The following CADPS2 variants were observed in gnomAD, a reference collection of about 807,000 sequenced individuals.
CADPS2 encodes calcium-dependent secretion activator 2.
A neutral mutation model predicts 172.5 loss-of-function variants in CADPS2; 93 were observed. The ratio of observed to expected loss-of-function variants is 0.54; its 90% CI spans 0.46 to 0.64. The LOEUF (loss-of-function observed/expected upper bound fraction) is 0.64, where lower values mean the gene tolerates loss of function less well. Ranked by LOEUF, CADPS2 falls within the 30% of genes least tolerant of loss-of-function variation. The pLI is 0.00. For synonymous variants in CADPS2, 546 were observed against 555.2 expected (o/e 0.98, Z 0.23); for missense variants, 1,420 against 1,565.9 (o/e 0.91, Z 1.57).
At chr7:122,465,340 T>TA (rs1244531247) in intron 14 of CADPS2, among the ~76,000 whole-genome samples, 2 of 152,116 alleles carry the variant, frequency 1.3e-5, no homozygotes, top group Non-Finnish European at 2.9e-5. Flanking sequence ...CTACAACAGT[T>TA]AAAAATCTTT....
intron 25 of CADPS2, 147 bp from the exon 26 acceptor site, chr7:122,361,160 T>A: frequency 1.6e-6 from 1 of 640,262 alleles, no homozygotes; most frequent in Non-Finnish European, 2.8e-6. Flanking sequence ...CTTGTGATGT[T>A]TACTCTTTCA....
chr7:122,347,286 AT>A (rs202040015), intron 27 of CADPS2, among the ~76,000 whole-genome samples: 13 of 151,098 alleles, frequency 8.6e-5, no homozygotes, highest in Non-Finnish European at 1.3e-4. Flanking sequence ...AGTTCTTGCC[AT>A]TTTTTTTTGG....
chr7:122,336,435 A>C (rs1271286207), intron 28 of CADPS2, among the ~76,000 whole-genome samples: 1 of 152,224 alleles, frequency 6.6e-6, no homozygotes, highest in Non-Finnish European at 1.5e-5. Context: ...GTCTCAGGGG[A>C]AGCCTGGACA....
chr7:122,854,916 A>G (rs73718032), intron 1 of CADPS2, among the ~76,000 whole-genome samples: 2,471 of 152,320 alleles, frequency 0.016, 65 homozygotes, highest in African/African-American at 0.056. Context: ...GGACATCACT[A>G]TATTTGTGTA....
At chr7:122,766,064 C>T (rs1442741535) in intron 1 of CADPS2, among the ~76,000 whole-genome samples, 2 of 152,034 alleles carry the variant, frequency 1.3e-5, no homozygotes, top group African/African-American at 4.8e-5. Context: ...GGGTCTCATG[C>T]TGCTTCAACT....
At chr7:122,659,246 A>G (rs969954914) in intron 3 of CADPS2, among the ~76,000 whole-genome samples, 1 of 151,724 alleles carries the variant, frequency 6.6e-6, no homozygotes, top group Non-Finnish European at 1.5e-5. Flanking sequence ...AAAACATGCA[A>G]AAACAATGCA....
intron 1 of CADPS2, among the ~76,000 whole-genome samples, chr7:122,818,949 T>G (rs976088264): frequency 2.6e-5 from 4 of 152,168 alleles, no homozygotes; most frequent in Non-Finnish European, 5.9e-5. Context: ...AAAATACATT[T>G]TATTACCCAA....
At chr7:122,596,561 T>G (rs1218161074) in intron 6 of CADPS2, among the ~76,000 whole-genome samples, 1 of 152,048 alleles carries the variant, frequency 6.6e-6, no homozygotes, top group African/African-American at 2.4e-5. Context: ...ACTATAGCAG[T>G]GAGAAAAGCT....
intron 1 of CADPS2, among the ~76,000 whole-genome samples, chr7:122,854,483 T>C (rs1368808997): frequency 1.3e-5 from 2 of 152,122 alleles, no homozygotes; most frequent in African/African-American, 2.4e-5. Flanking sequence ...AGAGAGAAAC[T>C]TGAGCCACTG....
At chr7:122,644,238 C>A (rs539637608) in intron 3 of CADPS2, among the ~76,000 whole-genome samples, 6 of 152,286 alleles carry the variant, frequency 3.9e-5, no homozygotes, top group African/African-American at 1.4e-4. Flanking sequence ...ATCTACCTTT[C>A]TAGCCTCTTG....
At chr7:122,350,229 T>C (rs17144296) in intron 27 of CADPS2, among the ~76,000 whole-genome samples, 2,573 of 152,292 alleles carry the variant, frequency 0.017, 68 homozygotes, top group African/African-American at 0.058. Context: ...ATAAATAACA[T>C]GTCTTCGAAA....
intron 14 of CADPS2, among the ~76,000 whole-genome samples, chr7:122,467,809 A>G (rs2055359147): frequency 6.6e-6 from 1 of 152,176 alleles, no homozygotes; most frequent in South Asian, 2.1e-4. Flanking sequence ...CCTATGAAGC[A>G]TTGTCTCTGA....
chr7:122,510,580 C>T (rs897267902), intron 9 of CADPS2, among the ~76,000 whole-genome samples: 71 of 152,268 alleles, frequency 4.7e-4, no homozygotes, highest in African/African-American at 1.6e-3. Flanking sequence ...CCAGTGATAT[C>T]ACTCATAATA....
intron 1 of CADPS2, among the ~76,000 whole-genome samples, chr7:122,794,532 C>T (rs1342216746): frequency 6.6e-6 from 1 of 152,008 alleles, no homozygotes; most frequent in Non-Finnish European, 1.5e-5. Flanking sequence ...GAGAGCTTGA[C>T]ATCCCACTGA....
chr7:122,752,334 A>G (rs1386134996), intron 1 of CADPS2, among the ~76,000 whole-genome samples: 3 of 152,198 alleles, frequency 2.0e-5, no homozygotes, highest in Non-Finnish European at 4.4e-5. Context: ...GAACAGATAA[A>G]CAAAACATTC....
intron 2 of CADPS2, among the ~76,000 whole-genome samples, chr7:122,682,359 A>G (rs1264455566): frequency 1.3e-5 from 2 of 152,134 alleles, no homozygotes; most frequent in African/African-American, 4.8e-5. Flanking sequence ...TCCACGCCAT[A>G]TTTTCAGCCT....
intron 8 of CADPS2, among the ~76,000 whole-genome samples, chr7:122,528,931 T>C (rs1250472340): frequency 6.6e-6 from 1 of 152,100 alleles, no homozygotes; most frequent in Non-Finnish European, 1.5e-5. Context: ...ACCTTTTCTT[T>C]TTACATTTTT....
intron 2 of CADPS2, among the ~76,000 whole-genome samples, chr7:122,682,690 C>T (rs1028127772): frequency 6.6e-6 from 1 of 152,192 alleles, no homozygotes; most frequent in African/African-American, 2.4e-5. Context: ...GTGCTACTCT[C>T]CACTCATCAG....
chr7:122,331,198 G>C (rs2034887462), intron 28 of CADPS2: 1 of 151,620 alleles, frequency 6.6e-6, no homozygotes. Flanking sequence ...TTAATGTATA[G>C]ACATAAAAAT....
Sources: gnomAD v4.1 joint callset for allele counts (sites outside exome capture counted in the v4.1 genomes callset) on GRCh38, gnomAD v4.1.1 for gene constraint, MANE v1.5 for transcripts, NCBI Gene and HGNC (gene_info 2026-07-23, HGNC 2026-07-21) for gene names.